KRT80: variants seen among roughly 807,000 people sequenced by gnomAD.
KRT80 encodes keratin 80.
A neutral mutation model predicts 51.5 loss-of-function variants in KRT80; 36 were observed. That is an observed-to-expected ratio of 0.70 (90% CI 0.54 to 0.92). The LOEUF (loss-of-function observed/expected upper bound fraction) is 0.92. KRT80 is among the 40% of genes least tolerant of loss of function. The probability of loss-of-function intolerance (pLI) is 0.00; values close to 1 mark genes in which losing one functional copy is unlikely to be tolerated. For missense variants in KRT80, 566 were observed against 591.7 expected, an observed-to-expected ratio of 0.96 and a Z score of 0.45; for synonymous variants, 235 against 248.3, an observed-to-expected ratio of 0.95 and a Z score of 0.50.
At chr12:52,174,062 G>T (rs1169019079) in intron 4 of KRT80, among the ~76,000 whole-genome samples, 1 of 152,216 alleles carries the variant, frequency 6.6e-6, no homozygotes, top group Non-Finnish European at 1.5e-5. Flanking sequence ...CTGCACTGTT[G>T]CCCTCTCCTG....
At chr12:52,190,167 C>T (rs983751215) in intron 1 of KRT80, among the ~76,000 whole-genome samples, 1 of 152,134 alleles carries the variant, frequency 6.6e-6, no homozygotes, top group Non-Finnish European at 1.5e-5. Context: ...CAGGGGTACC[C>T]CAGGTGTGGA....
intron 4 of KRT80, among the ~76,000 whole-genome samples, chr12:52,178,815 A>C (rs1592360996): frequency 1.3e-5 from 2 of 152,232 alleles, no homozygotes; most frequent in South Asian, 4.2e-4. Context: ...TCCATGCTAC[A>C]GATAAGGACA....
intron 2 of KRT80, among the ~76,000 whole-genome samples, chr12:52,181,511 G>A (rs548277009): frequency 3.9e-5 from 6 of 152,260 alleles, no homozygotes; most frequent in African/African-American, 1.2e-4. Flanking sequence ...GGGACCCCCA[G>A]TGTGTTTTTG....
chr12:52,189,826 G>C (rs1387079447), intron 1 of KRT80, among the ~76,000 whole-genome samples: 1 of 152,240 alleles, frequency 6.6e-6, no homozygotes, highest in Non-Finnish European at 1.5e-5. Context: ...CATTGCCCTG[G>C]TCTCTGGGCA....
chr12:52,173,666 C>T lies in KRT80; in HGVS notation c.765G>A (p.Val255=). 2.5e-6 allele frequency: 4 copies of T among 1,613,180 alleles called. No individual in the cohort carries two copies. Among genetic ancestry groups the T allele is most frequent in the East Asian group, 2.2e-5 (1 of 44,884 alleles). ...HIDLSGIVEE[V]KAQYDAVAAR... ...CCGCGACGGCGTCATACTGGGCCTT[C>T]ACCTCCTCCACGATGCCGCTCAGGT... Residue 255 remains valine (V), a synonymous_variant, in exon 5 of 9, where the codon GTG becomes GTA. Transcript: ENST00000394815.
At chr12:52,181,126 T>A (rs1187657112) in intron 2 of KRT80, among the ~76,000 whole-genome samples, 163 bp from the exon 3 acceptor site, 1 of 151,782 alleles carries the variant, frequency 6.6e-6, no homozygotes, top group African/African-American at 2.4e-5. Context: ...CTATGACACA[T>A]CCTCTCTCTC....
At chr12:52,185,629 A>C in intron 1 of KRT80, 42 bp from the exon 2 acceptor site, 1 of 1,587,654 alleles carries the variant, frequency 6.3e-7, no homozygotes, top group Non-Finnish European at 8.5e-7. Context: ...GGTGTGGACC[A>C]GTCGGGGGCT....
At position 52,185,371 on chromosome 12, in the gene KRT80, C is replaced by T; in HGVS notation, c.509+8G>A. 1 of 1,605,930 alleles carries T rather than the reference C, an allele frequency of 6.2e-7. No homozygotes were observed. Among genetic ancestry groups the T allele is most frequent in the Non-Finnish European group, 8.5e-7 (1 of 1,175,616 alleles). On this transcript the variant is annotated splice_region_variant and intron_variant, in intron 2 of 8. Transcript: ENST00000394815. The stretch of plus-strand genomic sequence containing the variant: ...CCTTGCTCATGGCTCTCATGGGGCT[C>T]TACGTACCTGATTCGAAACTCCTCA...
chr12:52,172,301 T>C lies in KRT80; in HGVS notation c.1075A>G (p.Met359Val), dbSNP rs763583573. ...EAALQQAKQDMARQLRKYQEL... is the reference protein window; with the variant it reads ...EAALQQAKQDVARQLRKYQEL... ...TGGTACTTGCGCAGCTGCCGCGCCA[T>C]GTCCTGCTTGGCCTGCTGCAGGGCG... Residue 359 changes from methionine (M) to valine (V), a missense_variant, in exon 7 of 9, where the codon ATG (methionine) becomes GTG (valine). Coordinates refer to ENST00000394815, the MANE Select transcript of KRT80 (RefSeq NM_182507.3). 13 of 1,614,216 alleles carry C rather than the reference T, an allele frequency of 8.1e-6. No homozygotes were observed. The East Asian group carries it at 2.2e-4, about 28-fold the overall frequency.
intron 2 of KRT80, among the ~76,000 whole-genome samples, chr12:52,181,613 G>A (rs1239445061): frequency 6.6e-6 from 1 of 152,184 alleles, no homozygotes; most frequent in East Asian, 1.9e-4. Context: ...ACCCACCCCT[G>A]ACGCAGTTGA....
intron 2 of KRT80, among the ~76,000 whole-genome samples, chr12:52,184,457 G>A (rs1941371237): frequency 6.6e-6 from 1 of 152,220 alleles, no homozygotes; most frequent in African/African-American, 2.4e-5. Flanking sequence ...CAGCAAACCT[G>A]TGTCAAAGAC....
At chr12:52,190,169 A>G (rs952475331) in intron 1 of KRT80, among the ~76,000 whole-genome samples, 2 of 152,182 alleles carry the variant, frequency 1.3e-5, no homozygotes, top group Non-Finnish European at 2.9e-5. Context: ...GGGGTACCCC[A>G]GGTGTGGATG....
intron 4 of KRT80, among the ~76,000 whole-genome samples, chr12:52,179,706 C>G (rs1393356976): frequency 6.6e-6 from 1 of 152,250 alleles, no homozygotes; most frequent in African/African-American, 2.4e-5. Context: ...CTTGGCTGCA[C>G]TGCCATAGCT....
chr12:52,191,911 C>T lies in KRT80; in HGVS notation c.-9G>A, dbSNP rs368079294. ...CAGGAGCGGCAGGCCATGGTGCCCCCGGCCGGAAGCAGGAGGGCCCAGGGG... is the reference window on the plus strand; with the variant it reads ...CAGGAGCGGCAGGCCATGGTGCCCCTGGCCGGAAGCAGGAGGGCCCAGGGG... On this transcript the variant is annotated 5_prime_UTR_variant, in exon 1 of 9. Transcript: ENST00000394815. 74 of 1,455,648 alleles carry T rather than the reference C, an allele frequency of 5.1e-5. No homozygotes were observed. In the East Asian group the frequency reaches 9.9e-4, roughly 20 times the overall value. 90.2% of individuals were successfully genotyped at this position (1,455,648 alleles called of 1,614,324 possible).
At position 52,171,267 on chromosome 12, in the gene KRT80, A is replaced by G; in HGVS notation, c.*131T>C. On this transcript the variant is annotated 3_prime_UTR_variant, in exon 9 of 9. Transcript: ENST00000394815. ...GCCCACAAAACACAGTCAGTTTTGA[A>G]CCCCTCTCTCAGTTCAATATCAGGT... 1 of 977,192 alleles carries G rather than the reference A, an allele frequency of 1.0e-6. No individual in the cohort carries two copies. The highest frequency in any genetic ancestry group is 2.4e-5 in the Admixed American group (1 of 42,468). The allele number at this position is 977,192 out of a possible 1,614,324, so 60.5% of individuals were successfully genotyped here.
Position 52,172,418 on chromosome 12 carries a change from ACTGC to A in KRT80, c.958-4_958-1del. On this transcript the variant is annotated splice_acceptor_variant and splice_polypyrimidine_tract_variant and intron_variant, in intron 6 of 8. Coordinates refer to ENST00000394815, the MANE Select transcript of KRT80 (RefSeq NM_182507.3). LOFTEE classifies it high-confidence loss of function. ...TTGATGTTCTCCTCCAGTTTCAGGC[ACTGC>A]AGCCAGGAGGACAGAGTGAAAGGGC... The A allele has an allele frequency of 6.2e-7, 1 of 1,610,374 alleles. No individual in the cohort carries two copies. The highest frequency in any genetic ancestry group is 8.5e-7 in the Non-Finnish European group (1 of 1,177,312).
chr12:52,185,702 T>C, intron 1 of KRT80, 115 bp from the exon 2 acceptor site: 1 of 1,533,512 alleles, frequency 6.5e-7, no homozygotes, highest in Non-Finnish European at 8.7e-7. Context: ...AGCTCATTTA[T>C]GCACACCACC....
chr12:52,178,513 G>A (rs1054796300), intron 4 of KRT80, among the ~76,000 whole-genome samples: 4 of 152,244 alleles, frequency 2.6e-5, no homozygotes, highest in African/African-American at 9.6e-5. Context: ...GGTACCGCCT[G>A]TGAGAGGCCC....
intron 4 of KRT80, among the ~76,000 whole-genome samples, chr12:52,175,535 C>T (rs1238714366): frequency 2.0e-5 from 3 of 152,014 alleles, no homozygotes; most frequent in East Asian, 1.9e-4. Flanking sequence ...GAGCTGTAGA[C>T]GACAGGGATG....
Sources: allele counts gnomAD v4.1 joint callset (sites outside exome capture counted in the v4.1 genomes callset), GRCh38; gene constraint gnomAD v4.1.1; transcripts MANE v1.5; gene names NCBI Gene and HGNC (gene_info 2026-07-23, HGNC 2026-07-21).